The following AOX1 variants were observed in gnomAD, a reference collection of about 807,000 sequenced individuals.
AOX1 encodes the protein aldehyde oxidase 1.
AOX1 carries 153 observed loss-of-function variants against 169.5 expected under a neutral mutation model. The ratio of observed to expected loss-of-function variants is 0.90; its 90% CI spans 0.79 to 1.03. The LOEUF (loss-of-function observed/expected upper bound fraction) is 1.03, where lower values mean the gene tolerates loss of function less well. AOX1 is among the 50% of genes least tolerant of loss of function. The pLI, the probability that AOX1 is intolerant of heterozygous loss-of-function variation, is 0.00. For synonymous variants in AOX1, 562 were observed against 581.9 expected (o/e 0.97, Z 0.49); for missense variants, 1,656 against 1,663.9 (o/e 1.00, Z 0.08).
chr2:200,657,571 T>C (rs2035720660), intron 27 of AOX1, among the ~76,000 whole-genome samples: 3 of 152,142 alleles, frequency 2.0e-5, no homozygotes, highest in Non-Finnish European at 2.9e-5. Context: ...AGTTGTCCTT[T>C]CTGAGTTTTT....
intron 25 of AOX1, among the ~76,000 whole-genome samples, chr2:200,644,425 C>T (rs1231814092): frequency 6.6e-6 from 1 of 152,208 alleles, no homozygotes; most frequent in African/African-American, 2.4e-5. Context: ...TATTTTTATA[C>T]ACTACTACAC....
chr2:200,623,945 G>C lies in AOX1; in HGVS notation c.2086G>C (p.Val696Leu). The C allele has an allele frequency of 6.2e-7, 1 of 1,614,176 alleles. No homozygotes were observed. Among genetic ancestry groups the C allele is most frequent in the Admixed American group, 1.7e-5 (1 of 60,032 alleles). Residue 696 changes from valine (V) to leucine (L), a missense_variant, in exon 19 of 35, where the codon GTC (valine) becomes CTC (leucine). Coordinates refer to ENST00000374700, the MANE Select transcript of AOX1 (RefSeq NM_001159.4). ...GCGAGCTGCTAAGCGAGTGAAGATT[G>C]TCTATCAAGACTTGGAGCCGCTGAT... is the stretch of plus-strand genomic sequence containing the variant. ...AKRAAKRVKIVYQDLEPLILT... is the reference protein window; with the variant it reads ...AKRAAKRVKILYQDLEPLILT...
At chr2:200,651,918 G>A (rs1207197560) in intron 26 of AOX1, among the ~76,000 whole-genome samples, 4 of 152,026 alleles carry the variant, frequency 2.6e-5, no homozygotes, top group South Asian at 2.1e-4. Context: ...TATGGCAGCC[G>A]GGAACCCCTA....
In AOX1 at chr2:200,615,992, C is replaced by T. The variant is rs1269300873; in HGVS notation, c.1633C>T (p.Leu545Phe). The T allele has an allele frequency of 2.1e-5, 34 of 1,613,416 alleles. No homozygotes were observed. The highest frequency in any genetic ancestry group is 2.8e-5 in the Non-Finnish European group (33 of 1,179,470). Residue 545 changes from leucine to phenylalanine, a missense_variant, in exon 16 of 35, where the codon CTT (leucine) becomes TTT (phenylalanine). Leu to Phe is a conservative substitution (Grantham distance 22). Transcript: ENST00000374700. ...TCAGGATCCAGTTCACTATCCTAGC[C>T]TTGCAGACAAGTATGAAAGTGCTTT... ...KKMDPVHYPSLADKYESALED... is the reference protein window; with the variant it reads ...KKMDPVHYPSFADKYESALED...
intron 5 of AOX1, 56 bp from the exon 6 acceptor site, chr2:200,602,228 A>T: frequency 7.0e-7 from 1 of 1,434,730 alleles, no homozygotes; most frequent in Non-Finnish European, 9.8e-7. Context: ...CACTCTTGGT[A>T]GACTGTGCCT....
At chr2:200,646,960 T>A (rs1255557035) in intron 25 of AOX1, among the ~76,000 whole-genome samples, 2 of 152,184 alleles carry the variant, frequency 1.3e-5, no homozygotes, top group Non-Finnish European at 2.9e-5. Context: ...TGAGTCCTTA[T>A]GTGTTAGGTG....
chr2:200,661,196 C>T (rs924690504), intron 29 of AOX1, among the ~76,000 whole-genome samples: 3 of 152,112 alleles, frequency 2.0e-5, no homozygotes, highest in Admixed American at 2.0e-4. Flanking sequence ...ATAAAATGAA[C>T]CCTTACTCTA....
chr2:200,603,016 C>G (rs1009213552), intron 6 of AOX1, among the ~76,000 whole-genome samples: 3 of 152,078 alleles, frequency 2.0e-5, no homozygotes, highest in Non-Finnish European at 4.4e-5. Context: ...CTATTTAATG[C>G]TATGTGCCAC....
rs1553578034 is a variant in AOX1 at position 200,657,165 on chromosome 2, A to AATATATAT, written c.3171+247_3171+254dup. 2.5e-4 allele frequency among the ~76,000 whole-genome samples: 22 copies of AATATATAT among 88,364 alleles called. 1 individual carries two copies. The highest frequency in any genetic ancestry group is 3.6e-4 in the Non-Finnish European group (18 of 49,572). The allele number at this position is 88,364 out of a possible 152,430, so 58.0% of individuals were successfully genotyped here. The stretch of plus-strand genomic sequence containing the variant: ...ATAGGGAGATTCCATCTCTACCAAA[A>AATATATAT]ATATATATATATATATATATATATA... On this transcript the variant is annotated intron_variant, in intron 27 of 34. Coordinates refer to ENST00000374700, the MANE Select transcript of AOX1 (RefSeq NM_001159.4).
At chr2:200,621,611 C>T (rs901266324) in intron 18 of AOX1, among the ~76,000 whole-genome samples, 3 of 151,982 alleles carry the variant, frequency 2.0e-5, no homozygotes, top group Non-Finnish European at 4.4e-5. Flanking sequence ...AGTTCAACTA[C>T]AAGTTCAAGT....
At chr2:200,596,453 C>A (rs2034286616) in intron 3 of AOX1, among the ~76,000 whole-genome samples, 1 of 152,174 alleles carries the variant, frequency 6.6e-6, no homozygotes, top group Non-Finnish European at 1.5e-5. Context: ...TGTTTAAGGA[C>A]CAGTATGCTT....
chr2:200,625,560 A>G (rs1232485828), intron 19 of AOX1, among the ~76,000 whole-genome samples: 10 of 152,220 alleles, frequency 6.6e-5, no homozygotes, highest in African/African-American at 2.2e-4. Context: ...CAAAGTCTAA[A>G]GATCATCAAC....
At chr2:200,600,483 G>A (rs993716041) in intron 5 of AOX1, among the ~76,000 whole-genome samples, 2 of 149,976 alleles carry the variant, frequency 1.3e-5, no homozygotes, top group Non-Finnish European at 3.0e-5. Flanking sequence ...GGCGGGGGGG[G>A]ACATCCTCAT....
intron 26 of AOX1, among the ~76,000 whole-genome samples, chr2:200,656,411 A>T (rs1309958640): frequency 1.6e-4 from 24 of 152,224 alleles, no homozygotes; most frequent in Non-Finnish European, 8.8e-5. Flanking sequence ...GGGGAGCTAT[A>T]CAGTTAGATA....
rs1216307652 is a variant in AOX1, at chr2:200,642,801, G to A, written c.2847G>A (p.Lys949=). ...VAAKCGLSPE[K]VRIINMYKEI... ...CCAAATGTGGACTATCCCCTGAGAAGGTAATACTAAATCAGCTTCACAGAC... is the reference window on the plus strand; with the variant it reads ...CCAAATGTGGACTATCCCCTGAGAAAGTAATACTAAATCAGCTTCACAGAC... Residue 949 remains lysine, a splice_region_variant and synonymous_variant, in exon 25 of 35, where the codon AAG becomes AAA. Transcript: ENST00000374700. 4 of 1,610,212 alleles carry A rather than the reference G, an allele frequency of 2.5e-6. No homozygotes were observed. The Admixed American group carries it at 5.0e-5, about 20-fold the overall frequency.
chr2:200,599,579 G>T, intron 4 of AOX1, 41 bp from the exon 5 acceptor site: 1 of 1,559,424 alleles, frequency 6.4e-7, no homozygotes, highest in Non-Finnish European at 8.7e-7. Flanking sequence ...GCCTGGGATG[G>T]GGCCCCAAAT....
intron 16 of AOX1, among the ~76,000 whole-genome samples, chr2:200,620,198 A>AG (rs370920216): frequency 0.18 from 21,334 of 120,668 alleles, 2,044 homozygotes; most frequent in Non-Finnish European, 0.22. Flanking sequence ...ATTAATAGTG[A>AG]CTTTTTTTTT....
intron 21 of AOX1, among the ~76,000 whole-genome samples, chr2:200,636,065 G>GA (rs35763564): frequency 0.24 from 35,619 of 145,586 alleles, 4,421 homozygotes; most frequent in East Asian, 0.3. Context: ...CTGCATCTAG[G>GA]AAAGACCAAC....
intron 20 of AOX1, among the ~76,000 whole-genome samples, chr2:200,628,284 A>G (rs2035046567): frequency 6.6e-6 from 1 of 152,212 alleles, no homozygotes; most frequent in Admixed American, 6.5e-5. Flanking sequence ...TTTCCTAAAA[A>G]CAGGATGTTG....
Sources: gnomAD v4.1 joint callset for allele counts (sites outside exome capture counted in the v4.1 genomes callset) on GRCh38, gnomAD v4.1.1 for gene constraint, MANE v1.5 for transcripts, NCBI Gene and HGNC (gene_info 2026-07-23, HGNC 2026-07-21) for gene names.